NBAS: variants seen among roughly 807,000 people sequenced by gnomAD.
The protein encoded by NBAS is NBAS subunit of NRZ tethering complex.
In NBAS, 219 loss-of-function variants were observed where a neutral mutation model predicts 302.5. That is an observed-to-expected ratio of 0.72 (90% CI 0.65 to 0.81). The LOEUF (loss-of-function observed/expected upper bound fraction) is 0.81. Among genes scored for constraint, NBAS ranks in the 30% least tolerant of loss-of-function variants. The pLI is 0.00. For synonymous variants in NBAS, 1,118 were observed against 1,021.6 expected, an observed-to-expected ratio of 1.09 and a Z score of -1.80; for missense variants, 2,932 against 2,841.6, an observed-to-expected ratio of 1.03 and a Z score of -0.72.
intron 34 of NBAS, 121 bp from the exon 35 acceptor site, chr2:15,352,202 A>C: frequency 1.4e-6 from 1 of 712,248 alleles, no homozygotes; most frequent in Non-Finnish European, 2.4e-6. Context: ...CATAATGATT[A>C]GTTTTGGTAA....
intron 11 of NBAS, among the ~76,000 whole-genome samples, chr2:15,498,700 T>A (rs1323362868): frequency 1.3e-5 from 2 of 152,190 alleles, no homozygotes; most frequent in Non-Finnish European, 2.9e-5. Context: ...GATAGTGAGT[T>A]CTCACAAGAT....
chr2:15,451,283 C>G (rs1466644135), intron 21 of NBAS, among the ~76,000 whole-genome samples: 4 of 152,090 alleles, frequency 2.6e-5, no homozygotes, highest in Non-Finnish European at 4.4e-5. Flanking sequence ...ATACCTACCC[C>G]CCAGCTATCC....
the NBAS span, among the ~76,000 whole-genome samples, chr2:15,001,306 T>C: frequency 6.6e-6 from 1 of 152,150 alleles, no homozygotes; most frequent in African/African-American, 2.4e-5. Flanking sequence ...TGTATATATG[T>C]TATACACACA....
chr2:15,126,052 G>C, the NBAS span, among the ~76,000 whole-genome samples: 1 of 152,108 alleles, frequency 6.6e-6, no homozygotes, highest in African/African-American at 2.4e-5. Flanking sequence ...GGTAGAGCCT[G>C]GTGGGAGGTG....
chr2:15,137,960 C>T, the NBAS span, among the ~76,000 whole-genome samples: 2 of 152,136 alleles, frequency 1.3e-5, no homozygotes, highest in Non-Finnish European at 2.9e-5. Flanking sequence ...TTTGCTTCTA[C>T]TCATCAAGAG....
chr2:14,983,772 G>A, the NBAS span, among the ~76,000 whole-genome samples: 1 of 152,138 alleles, frequency 6.6e-6, no homozygotes, highest in Non-Finnish European at 1.5e-5. Context: ...GGAAGACTTT[G>A]GTCTTGTGAA....
the NBAS span, among the ~76,000 whole-genome samples, chr2:14,783,146 T>A: frequency 6.6e-6 from 1 of 151,906 alleles, no homozygotes; most frequent in African/African-American, 2.4e-5. Flanking sequence ...AAAATAAAAA[T>A]AAAACTGGGT....
chr2:15,481,612 T>C (rs754236858), intron 12 of NBAS, among the ~76,000 whole-genome samples: 4 of 151,998 alleles, frequency 2.6e-5, no homozygotes, highest in Non-Finnish European at 4.4e-5. Context: ...CAGCATTGCA[T>C]GGCACCATGT....
the NBAS span, among the ~76,000 whole-genome samples, chr2:15,067,904 A>C: frequency 1.4e-3 from 218 of 152,336 alleles, 1 homozygote; most frequent in African/African-American, 4.9e-3. Flanking sequence ...GACCCATATT[A>C]ATTAATTGAG....
At chr2:15,113,741 C>A in the NBAS span, among the ~76,000 whole-genome samples, 1 of 151,858 alleles carries the variant, frequency 6.6e-6, no homozygotes, top group East Asian at 1.9e-4. Context: ...ACTAAATAAA[C>A]GGAATGGAGT....
chr2:15,313,810 A>G (rs1043715175), intron 38 of NBAS, among the ~76,000 whole-genome samples: 3 of 152,320 alleles, frequency 2.0e-5, no homozygotes, highest in Admixed American at 1.3e-4. Flanking sequence ...GAATGTGCAA[A>G]ATTATTTTGA....
intron 28 of NBAS, among the ~76,000 whole-genome samples, chr2:15,392,633 T>C (rs543661909): frequency 1.3e-5 from 2 of 152,022 alleles, no homozygotes; most frequent in Non-Finnish European, 1.5e-5. Context: ...AAGAACTAAG[T>C]AAACGGAAAG....
the NBAS span, among the ~76,000 whole-genome samples, chr2:14,885,443 G>T: frequency 1.3e-5 from 2 of 152,078 alleles, no homozygotes; most frequent in Non-Finnish European, 2.9e-5. Context: ...TGAATGAGGG[G>T]GAGGCAGCAT....
intron 50 of NBAS, among the ~76,000 whole-genome samples, chr2:15,185,264 A>C (rs1302885007): frequency 1.3e-5 from 2 of 152,166 alleles, no homozygotes; most frequent in Non-Finnish European, 2.9e-5. Flanking sequence ...AAAGGAGGCA[A>C]TATAGATGAA....
chr2:14,868,290 G>A, the NBAS span, among the ~76,000 whole-genome samples: 3 of 152,102 alleles, frequency 2.0e-5, no homozygotes, highest in Non-Finnish European at 4.4e-5. Context: ...GGCAATTGCT[G>A]CTTCGGGGCA....
chr2:15,242,043 T>C (rs1370026132), intron 44 of NBAS, among the ~76,000 whole-genome samples: 1 of 152,212 alleles, frequency 6.6e-6, no homozygotes, highest in South Asian at 2.1e-4. Flanking sequence ...GGAGTCAATC[T>C]AGCCTCTACA....
intron 13 of NBAS, 32 bp from the exon 14 acceptor site, chr2:15,475,912 C>G (rs1174675172): frequency 6.6e-7 from 1 of 1,515,674 alleles, no homozygotes; most frequent in Non-Finnish European, 9.1e-7. Context: ...AATACAAATG[C>G]ATCTGCTAAT....
the NBAS span, among the ~76,000 whole-genome samples, chr2:15,116,285 A>C: frequency 6.6e-6 from 1 of 152,216 alleles, no homozygotes; most frequent in Non-Finnish European, 1.5e-5. Flanking sequence ...AAGACTGTGC[A>C]GTTTAAAAAC....
At chr2:15,035,537 C>T in the NBAS span, among the ~76,000 whole-genome samples, 1 of 152,116 alleles carries the variant, frequency 6.6e-6, no homozygotes, top group Non-Finnish European at 1.5e-5. Context: ...GATACATGCA[C>T]GTGTATGTTC....
Sources: allele counts gnomAD v4.1 joint callset (sites outside exome capture counted in the v4.1 genomes callset), GRCh38; gene constraint gnomAD v4.1.1; transcripts MANE v1.5; gene names NCBI Gene and HGNC (gene_info 2026-07-23, HGNC 2026-07-21).